The following CHD6 variants were observed in gnomAD, a reference collection of about 807,000 sequenced individuals.
The protein encoded by CHD6 is chromodomain helicase DNA binding protein 6.
In CHD6, 50 loss-of-function variants were observed where a neutral mutation model predicts 276.9. That is an observed-to-expected ratio of 0.18 (90% confidence interval 0.14 to 0.23). CHD6 has a LOEUF of 0.23. Among genes scored for constraint, CHD6 ranks in the 10% least tolerant of loss-of-function variants. CHD6 has a pLI of 1.00. For synonymous variants in CHD6, 1,173 were observed against 1,229.3 expected, an observed-to-expected ratio of 0.95 and a Z score of 0.96; for missense variants, 2,564 against 3,365.8, an observed-to-expected ratio of 0.76 and a Z score of 5.89.
At chr20:41,437,362 A>G (rs2047743804) in intron 26 of CHD6, 28 bp from the exon 27 acceptor site, 5 of 1,550,796 alleles carry the variant, frequency 3.2e-6, no homozygotes, top group Admixed American at 1.7e-5. Flanking sequence ...AAGGCATCAC[A>G]TACTACCTAG....
At chr20:41,506,072 C>T (rs1187018182) in intron 5 of CHD6, among the ~76,000 whole-genome samples, 2 of 152,080 alleles carry the variant, frequency 1.3e-5, no homozygotes, top group African/African-American at 2.4e-5. Flanking sequence ...CAAAGTATGT[C>T]CAAAACCCAA....
chr20:41,550,813 A>T (rs1269612409), intron 2 of CHD6, among the ~76,000 whole-genome samples: 1 of 152,112 alleles, frequency 6.6e-6, no homozygotes, highest in Non-Finnish European at 1.5e-5. Flanking sequence ...TCTCCATCCC[A>T]CACGCCCTTC....
At chr20:41,420,245 T>G (rs2047141330) in intron 31 of CHD6, among the ~76,000 whole-genome samples, 1 of 152,216 alleles carries the variant, frequency 6.6e-6, no homozygotes, top group Non-Finnish European at 1.5e-5. Context: ...ATCTATTGAA[T>G]GAAAACACAC....
Position 41,412,168 on chromosome 20 carries a change from G to A in CHD6, c.7227C>T (p.Ala2409=), listed in dbSNP as rs200150142. 1.2e-5 allele frequency: 19 copies of A among 1,614,154 alleles called. No individual in the cohort carries two copies. The highest frequency in any genetic ancestry group is 1.5e-5 in the Non-Finnish European group (18 of 1,180,022). ...SSLSGEERVP[A]IPKEPGLRGF... is the part of the protein sequence containing the mutation. ...CCCTCAGTCCTGGCTCCTTGGGGAT[G>A]GCAGGAACTCTCTCTTCCCCGCTCA... The change falls in exon 36 of 37, where the codon GCC becomes GCT. Residue 2409 remains alanine (A), a synonymous_variant. Coordinates refer to ENST00000373233, the MANE Select transcript of CHD6 (RefSeq NM_032221.5).
intron 16 of CHD6, among the ~76,000 whole-genome samples, chr20:41,479,615 C>T (rs115940582): frequency 6.6e-6 from 1 of 152,028 alleles, no homozygotes; most frequent in African/African-American, 2.4e-5. Context: ...TTGGAGAAAA[C>T]AGATGAAGAT....
rs564261449 is a variant in CHD6, at chr20:41,534,268, A to C, written c.34-698T>G. On this transcript the variant is annotated intron_variant, in intron 2 of 36. Transcript: ENST00000373233. ...GGAGGGACAAGCAGGCTTTCTAAGA[A>C]GACAGTTACAATCATCTTTGCATGA... is the stretch of plus-strand genomic sequence containing the variant. 9.3e-4 allele frequency among the ~76,000 whole-genome samples: 142 copies of C among 152,328 alleles called. 1 individual carries two copies. The highest frequency in any genetic ancestry group is 1.7e-3 in the Non-Finnish European group (115 of 68,026).
intron 22 of CHD6, among the ~76,000 whole-genome samples, 192 bp downstream of exon 22, chr20:41,451,634 A>G (rs1364896263): frequency 6.6e-6 from 1 of 152,234 alleles, no homozygotes; most frequent in African/African-American, 2.4e-5. Flanking sequence ...TTGTACTTCA[A>G]CAAAATATCA....
chr20:41,544,791 G>A (rs964809748), intron 2 of CHD6, among the ~76,000 whole-genome samples: 1 of 150,946 alleles, frequency 6.6e-6, no homozygotes, highest in Non-Finnish European at 1.5e-5. Flanking sequence ...TACTGTGTAT[G>A]TATAGTAATA....
At chr20:41,525,693 T>C (rs2044514735) in intron 3 of CHD6, among the ~76,000 whole-genome samples, 1 of 152,238 alleles carries the variant, frequency 6.6e-6, no homozygotes, top group African/African-American at 2.4e-5. Flanking sequence ...TTTGTTTAAA[T>C]GTCTTTTGGT....
intron 1 of CHD6, among the ~76,000 whole-genome samples, chr20:41,597,868 C>G (rs1476950126): frequency 6.6e-6 from 1 of 152,140 alleles, no homozygotes; most frequent in Non-Finnish European, 1.5e-5. Flanking sequence ...CAGCTCTCTA[C>G]TTTGCCCTTC....
At chr20:41,507,489 C>T (rs6093488) in intron 5 of CHD6, among the ~76,000 whole-genome samples, 2 of 151,870 alleles carry the variant, frequency 1.3e-5, no homozygotes, top group African/African-American at 4.8e-5. Flanking sequence ...TTATTTTATC[C>T]TAATGAAACG....
At chr20:41,602,109 C>G (rs2045779158) in intron 1 of CHD6, among the ~76,000 whole-genome samples, 1 of 152,178 alleles carries the variant, frequency 6.6e-6, no homozygotes. Flanking sequence ...TTCCGTGGTG[C>G]TCTATCTCCT....
At chr20:41,526,274 C>T (rs1469354805) in intron 3 of CHD6, among the ~76,000 whole-genome samples, 1 of 152,106 alleles carries the variant, frequency 6.6e-6, no homozygotes, top group Non-Finnish European at 1.5e-5. Flanking sequence ...AGCTCAGGGT[C>T]TCTACTGAGG....
chr20:41,503,152 A>T (rs1272043707), intron 5 of CHD6, among the ~76,000 whole-genome samples: 2 of 152,198 alleles, frequency 1.3e-5, no homozygotes, highest in Non-Finnish European at 2.9e-5. Flanking sequence ...TGATAGGTTG[A>T]TGCTATTATA....
intron 3 of CHD6, among the ~76,000 whole-genome samples, chr20:41,529,717 C>T (rs538889601): frequency 1.3e-5 from 2 of 152,030 alleles, no homozygotes; most frequent in Admixed American, 6.6e-5. Context: ...CCAGGTATAG[C>T]GCCAGAGATG....
At chr20:41,479,307 A>G (rs1303551379) in intron 16 of CHD6, among the ~76,000 whole-genome samples, 2 of 152,210 alleles carry the variant, frequency 1.3e-5, no homozygotes, top group African/African-American at 4.8e-5. Context: ...ATTTGATGAA[A>G]GACATACATT....
At chr20:41,464,914 C>G (rs2042885192) in intron 17 of CHD6, among the ~76,000 whole-genome samples, 2 of 152,100 alleles carry the variant, frequency 1.3e-5, no homozygotes, top group African/African-American at 4.8e-5. Flanking sequence ...TGTAAAGGAG[C>G]TACCAACGGC....
chr20:41,573,060 C>T (rs2045436055), intron 1 of CHD6, among the ~76,000 whole-genome samples: 1 of 152,084 alleles, frequency 6.6e-6, no homozygotes, highest in Non-Finnish European at 1.5e-5. Context: ...CAGTCGCCCG[C>T]CACCACGCCC....
chr20:41,473,579 C>A lies in CHD6; in HGVS notation c.2469-62G>T, dbSNP rs2043105304. The A allele has an allele frequency of 7.2e-7, 1 of 1,379,684 alleles. No homozygotes were observed. Among genetic ancestry groups the A allele is most frequent in the Non-Finnish European group, 1.0e-6 (1 of 978,050 alleles). 85.5% of individuals were successfully genotyped at this position (1,379,684 alleles called of 1,614,324 possible). ...ATCATGACTTCAATGGAGAACAGCA[C>A]AAAATGCAGGAAGCTGTCGACTGAT... On this transcript the variant is annotated intron_variant, in intron 16 of 36. Transcript: ENST00000373233. The surrounding 1 kb of genome is among the most constrained non-coding windows in gnomAD (Gnocchi z 4.1).
Sources: gnomAD v4.1 joint callset for allele counts (sites outside exome capture counted in the v4.1 genomes callset) on GRCh38, gnomAD v4.1.1 for gene constraint, Gnocchi (gnomAD v3.1) non-coding constraint, MANE v1.5 for transcripts, NCBI Gene and HGNC (gene_info 2026-07-23, HGNC 2026-07-21) for gene names.